Variants in IQCE observed in about 807,000 individuals in gnomAD.
The protein encoded by IQCE is IQ domain-containing protein E.
In IQCE, 115 loss-of-function variants were observed where a neutral mutation model predicts 96.0. The ratio of observed to expected loss-of-function variants is 1.20; its 90% confidence interval spans 1.03 to 1.40. The LOEUF (loss-of-function observed/expected upper bound fraction) is 1.40, where lower values mean the gene tolerates loss of function less well. Ranked by LOEUF, IQCE falls within the 40% of genes most tolerant of loss-of-function variation. The probability of loss-of-function intolerance (pLI) is 0.00; values close to 1 mark genes in which losing one functional copy is unlikely to be tolerated. For synonymous variants in IQCE, 412 were observed against 371.2 expected (o/e 1.11, Z -1.26); for missense variants, 1,041 against 909.1 (o/e 1.15, Z -1.87).
At chr7:2,586,538 T>A (rs190709223) in intron 12 of IQCE, among the ~76,000 whole-genome samples, 167 bp downstream of exon 12, 16 of 152,352 alleles carry the variant, frequency 1.1e-4, no homozygotes, top group African/African-American at 2.9e-4. Flanking sequence ...GGCCACGCGA[T>A]GCCCCGGGGA....
At chr7:2,578,040 T>C (rs1241206511) in intron 6 of IQCE, among the ~76,000 whole-genome samples, 2 of 146,084 alleles carry the variant, frequency 1.4e-5, no homozygotes, top group African/African-American at 5.1e-5. Context: ...GTGTGCGGCG[T>C]GTGCGCATTG....
At chr7:2,560,731 G>T (rs1456470385) in intron 1 of IQCE, among the ~76,000 whole-genome samples, 1 of 152,018 alleles carries the variant, frequency 6.6e-6, no homozygotes, top group African/African-American at 2.4e-5. Context: ...GCTGAGGTGG[G>T]CAGATCATGA....
At chr7:2,603,644 G>A (rs1017884034) in intron 18 of IQCE, among the ~76,000 whole-genome samples, 12 of 152,178 alleles carry the variant, frequency 7.9e-5, no homozygotes, top group Non-Finnish European at 1.2e-4. Flanking sequence ...AGAGCCTCCC[G>A]TACCTGGCAG....
intron 17 of IQCE, among the ~76,000 whole-genome samples, chr7:2,600,296 G>A (rs1326430659): frequency 1.3e-5 from 2 of 152,226 alleles, no homozygotes; most frequent in Non-Finnish European, 2.9e-5. Context: ...CGTCGAGGCT[G>A]TGTACCCCAT....
chr7:2,609,958 G>T (rs1785035342), intron 21 of IQCE, 86 bp from the exon 22 acceptor site: 3 of 755,438 alleles, frequency 4.0e-6, no homozygotes, highest in Non-Finnish European at 7.0e-6. Flanking sequence ...GCCTGCCGGG[G>T]AAGAGCAGAC....
intron 8 of IQCE, among the ~76,000 whole-genome samples, chr7:2,580,578 C>G (rs1343535890): frequency 6.6e-6 from 1 of 152,038 alleles, no homozygotes; most frequent in East Asian, 1.9e-4. Flanking sequence ...TGCCACTGCA[C>G]TCCAGCCTGG....
chr7:2,562,437 A>G (rs1781035329), intron 1 of IQCE, among the ~76,000 whole-genome samples: 1 of 152,106 alleles, frequency 6.6e-6, no homozygotes, highest in African/African-American at 2.4e-5. Flanking sequence ...TAGGTCTCAT[A>G]GAATGAATTG....
intron 1 of IQCE, chr7:2,566,474 T>C (rs1781384571): frequency 6.7e-6 from 1 of 149,548 alleles, no homozygotes; most frequent in Middle Eastern, 3.4e-3. Context: ...TTTTTTTTTT[T>C]TCCCAGCTGG....
At chr7:2,566,207 CTT>C (rs1781359770) in intron 1 of IQCE, among the ~76,000 whole-genome samples, 2 of 151,798 alleles carry the variant, frequency 1.3e-5, no homozygotes, top group Admixed American at 6.6e-5. Flanking sequence ...TTCCGAGGGA[CTT>C]TAAACATTTT....
chr7:2,584,482 C>G lies in IQCE; in HGVS notation c.824+197C>G, dbSNP rs1399902561. 1.9e-5 allele frequency: 12 copies of G among 620,728 alleles called. No individual in the cohort carries two copies. In the South Asian group the frequency reaches 2.2e-4, roughly 11 times the overall value. 38.5% of individuals were successfully genotyped at this position (620,728 alleles called of 1,614,324 possible). ...AGTGTTCACAGACTCCTCATAGTGACCACGTGTTGATGGCCAACGCGTGTT... is the reference window on the plus strand; with the variant it reads ...AGTGTTCACAGACTCCTCATAGTGAGCACGTGTTGATGGCCAACGCGTGTT... On this transcript the variant is annotated intron_variant, in intron 11 of 21. Coordinates refer to ENST00000402050, the MANE Select transcript of IQCE (RefSeq NM_152558.5).
chr7:2,587,225 G>A (rs1449348185), intron 12 of IQCE, among the ~76,000 whole-genome samples: 1 of 152,030 alleles, frequency 6.6e-6, no homozygotes, highest in Non-Finnish European at 1.5e-5. Flanking sequence ...GGGCAGGTTT[G>A]GGGAAAGGCC....
chr7:2,582,553 T>G (rs766503569), intron 8 of IQCE, 27 bp from the exon 9 acceptor site: 1 of 1,610,370 alleles, frequency 6.2e-7, no homozygotes, highest in Non-Finnish European at 8.5e-7. Flanking sequence ...GGGCGTGGCC[T>G]GCCTGATGGG....
rs201523038 is a variant in IQCE, at chr7:2,578,357, T to A, written c.579+2T>A. 20 of 1,613,726 alleles carry A rather than the reference T, an allele frequency of 1.2e-5. No homozygotes were observed. The Admixed American group carries it at 3.3e-4, about 27-fold the overall frequency. On this transcript the variant is annotated splice_donor_variant, in intron 7 of 21. Transcript: ENST00000402050. LOFTEE classifies it high-confidence loss of function. ...GAGCAGCTCCTGGATCCCAGCCGCG[T>A]AAGCTCCTGGCGCTTCACGGACGGG...
intron 19 of IQCE, 63 bp downstream of exon 19, chr7:2,605,054 C>T: frequency 8.4e-7 from 1 of 1,196,558 alleles, no homozygotes; most frequent in East Asian, 2.4e-5. Flanking sequence ...CGCACTCCAT[C>T]CATCGAGAAA....
intron 8 of IQCE, among the ~76,000 whole-genome samples, chr7:2,579,202 G>A (rs1458827472): frequency 6.6e-6 from 1 of 152,158 alleles, no homozygotes; most frequent in Non-Finnish European, 1.5e-5. Context: ...TGGTAATGCT[G>A]TGGCGATCAG....
At chr7:2,607,326 CG>C in intron 21 of IQCE, 99 bp downstream of exon 21, 1 of 1,534,680 alleles carries the variant, frequency 6.5e-7, no homozygotes, top group Non-Finnish European at 8.8e-7. Flanking sequence ...TGTGTCGGGA[CG>C]GAAGGGAGGA....
At chr7:2,563,411 G>GTA (rs1781123113) in intron 1 of IQCE, among the ~76,000 whole-genome samples, 1 of 148,594 alleles carries the variant, frequency 6.7e-6, no homozygotes. Context: ...GTGTGTGTGT[G>GTA]TACAGGGTTT....
chr7:2,611,418 CCT>C lies in IQCE; in HGVS notation c.*1257_*1258del, dbSNP rs1785100910. The C allele has an allele frequency of 6.6e-6, 1 of 152,258 alleles. No individual in the cohort carries two copies. Among genetic ancestry groups the C allele is most frequent in the Admixed American group, 6.5e-5 (1 of 15,280 alleles). The allele number at this position is 152,258 out of a possible 1,614,324, so 9.4% of individuals were successfully genotyped here. On this transcript the variant is annotated 3_prime_UTR_variant, in exon 22 of 22. Coordinates refer to ENST00000402050, the MANE Select transcript of IQCE (RefSeq NM_152558.5). ...GGAGAGACCCAATGGTTAGAAAGCC[CCT>C]TTTTACACAGCTGACAGCTTCTCCC...
intron 1 of IQCE, among the ~76,000 whole-genome samples, 196 bp from the exon 2 acceptor site, chr7:2,566,920 C>T (rs1017063691): frequency 1.3e-5 from 2 of 152,214 alleles, no homozygotes; most frequent in Non-Finnish European, 2.9e-5. Flanking sequence ...TTTTGTTCCC[C>T]CCACCCACCC....
Sources: gnomAD v4.1 joint callset for allele counts (sites outside exome capture counted in the v4.1 genomes callset) on GRCh38, gnomAD v4.1.1 for gene constraint, MANE v1.5 for transcripts, NCBI Gene and HGNC (gene_info 2026-07-23, HGNC 2026-07-21) for gene names.